KAZN: variants seen among roughly 807,000 people sequenced by gnomAD.
KAZN encodes kazrin.
A neutral mutation model predicts 87.4 loss-of-function variants in KAZN; 40 were observed. The ratio of observed to expected loss-of-function variants is 0.46; its 90% CI spans 0.36 to 0.60. KAZN has a LOEUF of 0.60. KAZN is among the 20% of genes least tolerant of loss of function. The pLI is 0.00. For synonymous variants in KAZN, 466 were observed against 458.3 expected (o/e 1.02, Z -0.22); for missense variants, 898 against 1,073.9 (o/e 0.84, Z 2.29).
chr1:14,638,264 C>T (rs1050623439), intron 1 of KAZN, among the ~76,000 whole-genome samples: 7 of 152,040 alleles, frequency 4.6e-5, no homozygotes, highest in African/African-American at 1.7e-4. Context: ...CGTGTGTGCA[C>T]GTGCGCAAAA....
In KAZN at chr1:14,920,276, G is replaced by GTTTTT. The variant is rs55641056; in HGVS notation, c.227-40392_227-40388dup. On this transcript the variant is annotated intron_variant, in intron 1 of 14. Coordinates refer to ENST00000376030, the MANE Select transcript of KAZN (RefSeq NM_201628.3). ...TTTTTCTGTCTGCAGCCTCTTTTCT[G>GTTTTT]TTTTTTTTTTTTTTTTTTTTGGGTG... Among the ~76,000 whole-genome samples, 526 of 94,054 alleles carry GTTTTT rather than the reference G, an allele frequency of 5.6e-3. 23 individuals are homozygous for GTTTTT. Among genetic ancestry groups the GTTTTT allele is most frequent in the African/African-American group, 0.011 (272 of 24,618 alleles). The allele number at this position is 94,054 out of a possible 152,430, so 61.7% of individuals were successfully genotyped here.
intron 1 of KAZN, among the ~76,000 whole-genome samples, chr1:14,920,222 G>A (rs1226977480): frequency 5.3e-5 from 8 of 151,522 alleles, no homozygotes; most frequent in African/African-American, 1.7e-4. Flanking sequence ...CTCTGGGAAC[G>A]AGGGGATGCT....
chr1:15,015,317 TA>T, intron 2 of KAZN, among the ~76,000 whole-genome samples: 1 of 152,124 alleles, frequency 6.6e-6, no homozygotes, highest in East Asian at 1.9e-4. Flanking sequence ...CACACCCAGC[TA>T]ATTTTTGTAT....
Position 13,959,445 on chromosome 1 carries a change from A to G in KAZN, c.91+65689A>G, listed in dbSNP as rs114384477. Among the ~76,000 whole-genome samples, 1,233 of 152,256 alleles carry G rather than the reference A, an allele frequency of 8.1e-3. 19 individuals carry two copies. The highest frequency in any genetic ancestry group is 0.028 in the African/African-American group (1,183 of 41,534). On this transcript the variant is annotated intron_variant, in intron 1 of 16. Coordinates refer to the KAZN transcript ENST00000636203. The stretch of plus-strand genomic sequence containing the variant: ...GAATTAGCAGCCAGGATCCACATCT[A>G]ATTCTCTTTATCCTCAGTCCCCAGC...
In KAZN at chr1:14,194,351, A is replaced by G. The variant is rs752857018; in HGVS notation, c.249+13759A>G. ...GCTCAGTGTGGCAAACCTGGTTGTC[A>G]TCTTCTGTCCACCATCTTCTGCCTT... On this transcript the variant is annotated intron_variant, in intron 2 of 16. Coordinates refer to the KAZN transcript ENST00000636203. Among the ~76,000 whole-genome samples, 5 of 152,274 alleles carry G rather than the reference A, an allele frequency of 3.3e-5. No individual in the cohort carries two copies. In the South Asian group the frequency reaches 8.3e-4, roughly 25 times the overall value.
In KAZN at chr1:14,803,030, A is replaced by AAGACAG. The variant is rs529643098; in HGVS notation, c.227-157651_227-157646dup. Among the ~76,000 whole-genome samples the AAGACAG allele has an allele frequency of 4.8e-3, 732 of 152,342 alleles. 5 individuals carry two copies. The highest frequency in any genetic ancestry group is 7.9e-3 in the Non-Finnish European group (535 of 68,024). On this transcript the variant is annotated intron_variant, in intron 1 of 14. Coordinates refer to ENST00000376030, the MANE Select transcript of KAZN (RefSeq NM_201628.3). ...CCACCCTCCTCCCAGTGTGTTCATG[A>AAGACAG]AGACAGAGTTACATTATGTATGCAA...
chr1:14,986,752 G>T (rs1192151190), intron 2 of KAZN, among the ~76,000 whole-genome samples: 2 of 152,168 alleles, frequency 1.3e-5, no homozygotes, highest in African/African-American at 4.8e-5. Context: ...GTTTGTTGGG[G>T]TGGAGGGACT....
At chr1:14,980,658 C>G (rs1475737613) in intron 2 of KAZN, among the ~76,000 whole-genome samples, 3 of 152,058 alleles carry the variant, frequency 2.0e-5, no homozygotes, top group African/African-American at 7.2e-5. Context: ...CACAACAGGC[C>G]CCATTCTGTT....
At chr1:14,252,878 C>T (rs1343516260) in intron 2 of KAZN, among the ~76,000 whole-genome samples, 2 of 152,012 alleles carry the variant, frequency 1.3e-5, no homozygotes, top group African/African-American at 4.8e-5. Flanking sequence ...GGTTCCAGGC[C>T]CCTTCCACTG....
At chr1:14,701,925 C>T (rs986312094) in intron 1 of KAZN, among the ~76,000 whole-genome samples, 1 of 152,202 alleles carries the variant, frequency 6.6e-6, no homozygotes, top group Admixed American at 6.5e-5. Context: ...CCCCACCTAG[C>T]CTCTGGTCTC....
chr1:14,062,340 A>C (rs1015078147), intron 1 of KAZN, among the ~76,000 whole-genome samples: 1 of 152,166 alleles, frequency 6.6e-6, no homozygotes, highest in Non-Finnish European at 1.5e-5. Context: ...TTAAAGGCTT[A>C]ATAAGGAGAA....
At chr1:14,876,042 C>T (rs1652731485) in intron 1 of KAZN, among the ~76,000 whole-genome samples, 1 of 152,186 alleles carries the variant, frequency 6.6e-6, no homozygotes, top group Non-Finnish European at 1.5e-5. Flanking sequence ...AGATTAAAAG[C>T]AGTTGTTTGA....
At chr1:14,220,965 A>G (rs1458891559) in intron 2 of KAZN, among the ~76,000 whole-genome samples, 1 of 152,164 alleles carries the variant, frequency 6.6e-6, no homozygotes, top group Non-Finnish European at 1.5e-5. Flanking sequence ...CCGCTTATCC[A>G]TCTGCTTGTT....
intron 2 of KAZN, among the ~76,000 whole-genome samples, chr1:14,270,922 C>G (rs1651871914): frequency 6.6e-6 from 1 of 152,200 alleles, no homozygotes; most frequent in South Asian, 2.1e-4. Context: ...TGGGGGACAG[C>G]CTTTGAGAAG....
At position 15,116,243 on chromosome 1, in the gene KAZN, T is replaced by A. The variant is rs950756601; in HGVS notation, c.*1608T>A. On this transcript the variant is annotated 3_prime_UTR_variant, in exon 15 of 15. Coordinates refer to ENST00000376030, the MANE Select transcript of KAZN (RefSeq NM_201628.3). Reference sequence around the variant, plus strand: ...TTGAGTTTCCAAGATTCACAACAGGTGTCAGCCTCTGAGAACCCTCAAAGC... The same window carrying A: ...TTGAGTTTCCAAGATTCACAACAGGAGTCAGCCTCTGAGAACCCTCAAAGC... 39 of 152,210 alleles carry A rather than the reference T, an allele frequency of 2.6e-4. No individual in the cohort carries two copies. The highest frequency in any genetic ancestry group is 8.9e-4 in the African/African-American group (37 of 41,454). 9.4% of individuals were successfully genotyped at this position (152,210 alleles called of 1,614,324 possible). A position where few individuals can be genotyped will look rare whatever the true frequency, so the allele number is the denominator to read the frequency against.
chr1:14,101,533 G>A (rs1644248581), intron 1 of KAZN, among the ~76,000 whole-genome samples: 1 of 152,210 alleles, frequency 6.6e-6, no homozygotes, highest in South Asian at 2.1e-4. Flanking sequence ...AAGGGAGAGG[G>A]CTGGAGAGGA....
At chr1:14,322,633 C>G (rs80092537) in intron 2 of KAZN, among the ~76,000 whole-genome samples, 2 of 152,274 alleles carry the variant, frequency 1.3e-5, no homozygotes, top group East Asian at 3.9e-4. Context: ...TAAATGGTGG[C>G]CAAATCTAGT....
At chr1:14,795,660 G>A (rs1645807565) in intron 1 of KAZN, among the ~76,000 whole-genome samples, 1 of 152,008 alleles carries the variant, frequency 6.6e-6, no homozygotes, top group African/African-American at 2.4e-5. Context: ...GTGGGATCTG[G>A]CTCTCACCTC....
At chr1:14,372,140 C>G in intron 2 of KAZN, among the ~76,000 whole-genome samples, 1 of 152,154 alleles carries the variant, frequency 6.6e-6, no homozygotes, top group Non-Finnish European at 1.5e-5. Context: ...TTGGGAAAAG[C>G]AAATGACGAG....
Sources: gnomAD v4.1 joint callset for allele counts (sites outside exome capture counted in the v4.1 genomes callset) on GRCh38, gnomAD v4.1.1 for gene constraint, MANE v1.5 for transcripts, NCBI Gene and HGNC (gene_info 2026-07-23, HGNC 2026-07-21) for gene names.